RBFOX3: variants seen among roughly 807,000 people sequenced by gnomAD.
The protein encoded by RBFOX3 is RNA binding fox-1 homolog 3, also known as RNA binding protein fox-1 homolog 3.
Under a neutral mutation model 48.7 loss-of-function variants are expected in RBFOX3, and 17 were observed. That is an observed-to-expected ratio of 0.35 (90% CI 0.24 to 0.52). The LOEUF (loss-of-function observed/expected upper bound fraction) is 0.52. Among genes scored for constraint, RBFOX3 ranks in the 20% least tolerant of loss-of-function variants. The pLI is 0.94. For synonymous variants in RBFOX3, 212 were observed against 209.5 expected (o/e 1.01, Z -0.10); for missense variants, 382 against 497.5 (o/e 0.77, Z 2.21).
chr17:79,294,465 C>A (rs1020557239), intron 3 of RBFOX3, among the ~76,000 whole-genome samples: 2 of 152,172 alleles, frequency 1.3e-5, no homozygotes, highest in African/African-American at 2.4e-5. Flanking sequence ...CGCCTGCCAC[C>A]ACGCCCAGCT....
At chr17:79,594,937 G>A (rs2093528966) in intron 1 of RBFOX3, among the ~76,000 whole-genome samples, 1 of 152,088 alleles carries the variant, frequency 6.6e-6, no homozygotes, top group Admixed American at 6.5e-5. Flanking sequence ...CATCCCCTGT[G>A]GGTGCCACAC....
chr17:79,311,452 A>C lies in RBFOX3; in HGVS notation c.-174-3628T>G, dbSNP rs2076848359. Reference sequence around the variant, plus strand: ...CCATCTCCAAAAAAAAAAAAAAAAAAAACAGACTGCAGCACCAATTCCTGC... The same window carrying C: ...CCATCTCCAAAAAAAAAAAAAAAAACAACAGACTGCAGCACCAATTCCTGC... On this transcript the variant is annotated intron_variant, in intron 2 of 14. Coordinates refer to ENST00000693108, the MANE Select transcript of RBFOX3 (RefSeq NM_001350451.2). This position sits in a 1 kb window ranked among gnomAD's most constrained non-coding sequence, Gnocchi z 4.2. Among the ~76,000 whole-genome samples, 1 of 151,744 alleles carries C rather than the reference A, an allele frequency of 6.6e-6. No individual in the cohort carries two copies. Among genetic ancestry groups the C allele is most frequent in the Non-Finnish European group, 1.5e-5 (1 of 67,894 alleles).
intron 4 of RBFOX3, among the ~76,000 whole-genome samples, chr17:79,231,784 A>G (rs771558274): frequency 6.6e-6 from 1 of 152,238 alleles, no homozygotes. Flanking sequence ...ATGAAATTAA[A>G]GAAATTCTAA....
At chr17:79,346,771 A>C (rs1047324784) in intron 2 of RBFOX3, among the ~76,000 whole-genome samples, 2 of 152,224 alleles carry the variant, frequency 1.3e-5, no homozygotes, top group Non-Finnish European at 2.9e-5. Flanking sequence ...TGCCTGTATA[A>C]GTCTTAAGCA....
intron 2 of RBFOX3, among the ~76,000 whole-genome samples, chr17:79,346,283 GGT>G (rs1437966885): frequency 1.3e-5 from 2 of 152,174 alleles, no homozygotes; most frequent in Non-Finnish European, 2.9e-5. Flanking sequence ...TTCAAAATAT[GGT>G]GTGAGGTAGA....
intron 4 of RBFOX3, among the ~76,000 whole-genome samples, chr17:79,139,036 G>A (rs546025151): frequency 2.1e-4 from 26 of 124,676 alleles, no homozygotes; most frequent in African/African-American, 8.3e-4. Context: ...ACCCACACAC[G>A]CACGCACACA....
intron 3 of RBFOX3, among the ~76,000 whole-genome samples, chr17:79,286,609 A>G (rs2071951970): frequency 6.6e-6 from 1 of 152,202 alleles, no homozygotes; most frequent in Admixed American, 6.5e-5. Context: ...TGCGGCTCCC[A>G]GCCTCGCCAG....
chr17:79,191,346 A>G (rs1418400086), intron 4 of RBFOX3, among the ~76,000 whole-genome samples: 1 of 152,182 alleles, frequency 6.6e-6, no homozygotes, highest in African/African-American at 2.4e-5. Flanking sequence ...AGACTCTGGA[A>G]AAAGCAGCTG....
chr17:79,123,105 T>C (rs1027328754), intron 4 of RBFOX3, among the ~76,000 whole-genome samples: 4 of 151,840 alleles, frequency 2.6e-5, no homozygotes, highest in Non-Finnish European at 5.9e-5. Context: ...GGTTAATGGG[T>C]ACAAAAGAGC....
chr17:79,652,474 G>C, the RBFOX3 span, among the ~76,000 whole-genome samples: 5 of 149,230 alleles, frequency 3.4e-5, no homozygotes, highest in South Asian at 6.5e-4. Flanking sequence ...GAGAGAGAAA[G>C]AGAGTGTGGG....
At chr17:79,324,125 CCTGGGGA>C (rs1348723502) in intron 2 of RBFOX3, among the ~76,000 whole-genome samples, 1 of 152,120 alleles carries the variant, frequency 6.6e-6, no homozygotes, top group Non-Finnish European at 1.5e-5. Flanking sequence ...GTGGGTCAGG[CCTGGGGA>C]CTGCCACCCT....
In RBFOX3 at chr17:79,212,979, T is replaced by C. The variant is rs1026018466; in HGVS notation, c.-34+22787A>G. On this transcript the variant is annotated intron_variant, in intron 4 of 14. Coordinates refer to ENST00000693108, the MANE Select transcript of RBFOX3 (RefSeq NM_001350451.2). The surrounding 1 kb of genome is among the most constrained non-coding windows in gnomAD (Gnocchi z 4.7). Reference sequence around the variant, plus strand: ...AAGAGATTCTCCTGCCTCAGCCTCCTGAGTAGCTGGGATTACAGGCATGCG... The same window carrying C: ...AAGAGATTCTCCTGCCTCAGCCTCCCGAGTAGCTGGGATTACAGGCATGCG... 5.0e-5 allele frequency among the ~76,000 whole-genome samples: 5 copies of C among 100,884 alleles called. No homozygotes were observed. The highest frequency in any genetic ancestry group is 1.5e-4 in the African/African-American group (5 of 32,390). 66.2% of individuals were successfully genotyped at this position (100,884 alleles called of 152,430 possible).
chr17:79,591,988 A>AGT (rs1299156923), intron 1 of RBFOX3, among the ~76,000 whole-genome samples: 3 of 149,634 alleles, frequency 2.0e-5, no homozygotes, highest in African/African-American at 7.5e-5. Context: ...TGGTATGTGC[A>AGT]GTGTGTGTGT....
intron 4 of RBFOX3, among the ~76,000 whole-genome samples, chr17:79,155,566 G>A (rs991903305): frequency 6.6e-6 from 1 of 152,242 alleles, no homozygotes; most frequent in African/African-American, 2.4e-5. Context: ...CAGAGGTGGT[G>A]CAGCCCGGAG....
intron 2 of RBFOX3, among the ~76,000 whole-genome samples, chr17:79,372,003 G>A (rs1203901296): frequency 2.6e-5 from 4 of 152,244 alleles, no homozygotes; most frequent in East Asian, 1.9e-4. Context: ...GACCCTCCCC[G>A]CAGACGCTTC....
At chr17:79,376,453 C>T (rs994770594) in intron 2 of RBFOX3, among the ~76,000 whole-genome samples, 3 of 152,176 alleles carry the variant, frequency 2.0e-5, no homozygotes, top group Non-Finnish European at 4.4e-5. Flanking sequence ...ACTGGAGCTG[C>T]CAACATGAAG....
intron 5 of RBFOX3, among the ~76,000 whole-genome samples, chr17:79,109,686 T>C (rs182337726): frequency 1.3e-5 from 2 of 152,262 alleles, no homozygotes; most frequent in Admixed American, 1.3e-4. Flanking sequence ...CCTCTGCTGC[T>C]CTTGGGTACA....
intron 3 of RBFOX3, among the ~76,000 whole-genome samples, chr17:79,292,576 ACACACATG>A (rs1415663570): frequency 6.3e-5 from 8 of 127,930 alleles, no homozygotes; most frequent in South Asian, 2.4e-4. Flanking sequence ...ACACACACAC[ACACACATG>A]CACACACACA....
Position 79,116,608 on chromosome 17 carries a change from G to A in RBFOX3, c.-33-860C>T, listed in dbSNP as rs936115047. Among the ~76,000 whole-genome samples, 7 of 152,404 alleles carry A rather than the reference G, an allele frequency of 4.6e-5. No individual in the cohort carries two copies. The East Asian group carries it at 9.6e-4, about 21-fold the overall frequency. On this transcript the variant is annotated intron_variant, in intron 4 of 14. Coordinates refer to ENST00000693108, the MANE Select transcript of RBFOX3 (RefSeq NM_001350451.2). ...CACCTGGATCCCTGGAAGTGACTGT[G>A]CAGAAGCTGAACTCAGGGCCTCCTG...
Sources: allele counts gnomAD v4.1 joint callset (sites outside exome capture counted in the v4.1 genomes callset), GRCh38; gene constraint gnomAD v4.1.1; non-coding constraint Gnocchi (gnomAD v3.1); transcripts MANE v1.5; gene names NCBI Gene and HGNC (gene_info 2026-07-23, HGNC 2026-07-21).